CEP68: variants seen among roughly 807,000 people sequenced by gnomAD.
The protein encoded by CEP68 is centrosomal protein 68.
Under a neutral mutation model 55.3 loss-of-function variants are expected in CEP68, and 26 were observed. That is an observed-to-expected ratio of 0.47 (90% CI 0.34 to 0.65). The LOEUF (loss-of-function observed/expected upper bound fraction) is 0.65. CEP68 is among the 30% of genes least tolerant of loss of function. CEP68 has a pLI of 0.01. For missense variants in CEP68, 957 were observed against 946.7 expected (o/e 1.01, Z -0.14); for synonymous variants, 402 against 383.2 (o/e 1.05, Z -0.57).
At chr2:65,071,238 G>A in intron 2 of CEP68, 1 of 580,876 alleles carries the variant, frequency 1.7e-6, no homozygotes, top group Non-Finnish European at 3.1e-6. Flanking sequence ...GAGAGGACTG[G>A]AGATGGGAGT....
rs1676517185 is a variant in CEP68 at position 65,072,299 on chromosome 2, C to T, written c.1203C>T (p.Pro401=). Residue 401 remains proline, a synonymous_variant, in exon 3 of 7, where the codon CCC becomes CCT. Transcript: ENST00000377990. ...CTTGGAGCCAACTTGCATCTACCCCCAGAGCCCCAGGCAGTAGGGATGCTC... is the reference window on the plus strand; with the variant it reads ...CTTGGAGCCAACTTGCATCTACCCCTAGAGCCCCAGGCAGTAGGGATGCTC... ...LASWSQLAST[P]RAPGSRDARW... is the part of the protein sequence containing the mutation. 1 of 1,614,068 alleles carries T rather than the reference C, an allele frequency of 6.2e-7. No homozygotes were observed. Among genetic ancestry groups the T allele is most frequent in the Non-Finnish European group, 8.5e-7 (1 of 1,180,020 alleles).
Position 65,069,761 on chromosome 2 carries a change from C to T in CEP68, c.317C>T (p.Thr106Ile). 1 of 1,614,088 alleles carries T rather than the reference C, an allele frequency of 6.2e-7. No homozygotes were observed. Among genetic ancestry groups the T allele is most frequent in the South Asian group, 1.1e-5 (1 of 91,088 alleles). The change falls in exon 2 of 7, where the codon ACC becomes ATC. Residue 106 changes from threonine (T) to isoleucine (I), a missense_variant. By Grantham distance (89) the Thr-to-Ile change is moderately conservative. Coordinates refer to ENST00000377990, the MANE Select transcript of CEP68 (RefSeq NM_015147.3). ...EPALSGLPPA[T>I]MGSGDLLLSG... ...GCACTCAGTGGCCTGCCTCCTGCCA[C>T]CATGGGGTCTGGAGACCTTCTGCTC...
Position 65,072,732 on chromosome 2 carries a change from C to G in CEP68, c.1636C>G (p.Gln546Glu), listed in dbSNP as rs756333859. ...QSQLPPGAAL[Q>E]GSGDPEGQNP... ...CCAGCTTCCCCCTGGAGCTGCCCTC[C>G]AAGGATCTGGGGATCCTGAGGGCCA... The change falls in exon 3 of 7, where the codon CAA becomes GAA. Residue 546 changes from glutamine to glutamate, a missense_variant. Coordinates refer to ENST00000377990, the MANE Select transcript of CEP68 (RefSeq NM_015147.3). 1.9e-6 allele frequency: 3 copies of G among 1,614,132 alleles called. No individual in the cohort carries two copies. The South Asian group carries it at 3.3e-5, about 18-fold the overall frequency.
In CEP68 at chr2:65,084,539, A is replaced by AAC; in HGVS notation, c.*905_*906insAC. 6.6e-6 allele frequency: 1 copy of AAC among 150,434 alleles called. No individual in the cohort carries two copies. The highest frequency in any genetic ancestry group is 2.4e-5 in the African/African-American group (1 of 41,130). The allele number at this position is 150,434 out of a possible 1,614,324, so 9.3% of individuals were successfully genotyped here. A position where few individuals can be genotyped will look rare whatever the true frequency, so the allele number is the denominator to read the frequency against. ...ACTTTGATTAAAAAAAAAAAAAACT[A>AAC]TGGATCAACCATTCAAAGCATCAAT... On this transcript the variant is annotated 3_prime_UTR_variant, in exon 7 of 7. Coordinates refer to ENST00000377990, the MANE Select transcript of CEP68 (RefSeq NM_015147.3).
chr2:65,076,595 A>C (rs576137168), intron 4 of CEP68, among the ~76,000 whole-genome samples: 2 of 151,980 alleles, frequency 1.3e-5, no homozygotes, highest in Non-Finnish European at 2.9e-5. Flanking sequence ...CTGTGTTCAC[A>C]TATTTTAACT....
chr2:65,082,222 T>C (rs1668860592), intron 5 of CEP68, among the ~76,000 whole-genome samples: 1 of 152,228 alleles, frequency 6.6e-6, no homozygotes, highest in Non-Finnish European at 1.5e-5. Context: ...ATACCTGTCT[T>C]ACCTCTAAAG....
chr2:65,062,698 A>G (rs901029658), intron 1 of CEP68, among the ~76,000 whole-genome samples: 5 of 151,930 alleles, frequency 3.3e-5, no homozygotes, highest in South Asian at 4.1e-4. Flanking sequence ...TGAACCACGC[A>G]TGGTGGTGCA....
At chr2:65,060,676 T>A (rs1675869019) in intron 1 of CEP68, among the ~76,000 whole-genome samples, 1 of 152,212 alleles carries the variant, frequency 6.6e-6, no homozygotes, top group African/African-American at 2.4e-5. Context: ...TGACTTTTGT[T>A]ATAAGGAAGG....
rs772714459 is a variant in CEP68 at position 65,071,560 on chromosome 2, C to T, written c.464C>T (p.Pro155Leu). 2 of 1,614,178 alleles carry T rather than the reference C, an allele frequency of 1.2e-6. No homozygotes were observed. The highest frequency in any genetic ancestry group is 1.7e-6 in the Non-Finnish European group (2 of 1,180,016). ...SGHDADTEDD[P>L]SLADLPQALD... ...CATGATGCTGATACCGAAGATGATC[C>T]ATCCCTAGCAGATTTGCCCCAGGCA... is the stretch of plus-strand genomic sequence containing the variant. Residue 155 changes from proline to leucine, a missense_variant, in exon 3 of 7, where the codon CCA becomes CTA. By Grantham distance (98) the Pro-to-Leu change is moderately conservative. Transcript: ENST00000377990.
intron 1 of CEP68, among the ~76,000 whole-genome samples, chr2:65,057,260 G>A (rs1311952348): frequency 6.6e-6 from 1 of 152,246 alleles, no homozygotes; most frequent in Non-Finnish European, 1.5e-5. Flanking sequence ...ACCACGAAGG[G>A]AGGTAGCGTT....
intron 4 of CEP68, among the ~76,000 whole-genome samples, chr2:65,075,924 A>T (rs918851221): frequency 1.3e-5 from 2 of 151,996 alleles, no homozygotes; most frequent in African/African-American, 4.8e-5. Flanking sequence ...AGAGGAAGGG[A>T]GGGGCTTTGT....
intron 3 of CEP68, 117 bp from the exon 4 acceptor site, chr2:65,074,165 A>G: frequency 8.1e-7 from 1 of 1,231,350 alleles, no homozygotes; most frequent in Non-Finnish European, 1.1e-6. Flanking sequence ...CAAGGAGGAG[A>G]GAGGAAACTG....
At chr2:65,060,753 T>C (rs921878996) in intron 1 of CEP68, among the ~76,000 whole-genome samples, 1 of 152,164 alleles carries the variant, frequency 6.6e-6, no homozygotes, top group Non-Finnish European at 1.5e-5. Flanking sequence ...GCCCTCAGCA[T>C]CCTTGTACAT....
chr2:65,078,344 C>G (rs1676857739), intron 5 of CEP68, among the ~76,000 whole-genome samples: 1 of 152,158 alleles, frequency 6.6e-6, no homozygotes, highest in South Asian at 2.1e-4. Context: ...CCCCACCTTA[C>G]CTAGCCCAGG....
At position 65,082,522 on chromosome 2, in the gene CEP68, A is replaced by G. The variant is rs764557987; in HGVS notation, c.2105-14A>G. 5.9e-6 allele frequency: 9 copies of G among 1,516,576 alleles called. No homozygotes were observed. In the East Asian group the frequency reaches 2.2e-4, roughly 37 times the overall value. The allele number at this position is 1,516,576 out of a possible 1,614,324, so 93.9% of individuals were successfully genotyped here. The stretch of plus-strand genomic sequence containing the variant: ...TTTTATTTCTGGTTTAATTTCTTTG[A>G]ACCTCATTGTTAGTTTTAGAGGATG... On this transcript the variant is annotated splice_polypyrimidine_tract_variant and intron_variant, in intron 5 of 6. Coordinates refer to ENST00000377990, the MANE Select transcript of CEP68 (RefSeq NM_015147.3).
At position 65,086,156 on chromosome 2, in the gene CEP68, A is replaced by AGG; in HGVS notation, c.*2523_*2524dup. On this transcript the variant is annotated 3_prime_UTR_variant, in exon 7 of 7. Coordinates refer to ENST00000377990, the MANE Select transcript of CEP68 (RefSeq NM_015147.3). Reference sequence around the variant, plus strand: ...AAGATATGCTGGAAAGGCAAGATGTAGGCTAAGGGAAATTCAATCCAAGGT... The same window carrying AGG: ...AAGATATGCTGGAAAGGCAAGATGTAGGGGCTAAGGGAAATTCAATCCAAGGT... The AGG allele has an allele frequency of 6.6e-6, 1 of 152,338 alleles. No individual in the cohort carries two copies. The highest frequency in any genetic ancestry group is 1.5e-5 in the Non-Finnish European group (1 of 68,028). 9.4% of individuals were successfully genotyped at this position (152,338 alleles called of 1,614,324 possible).
At chr2:65,062,300 G>A (rs915036697) in intron 1 of CEP68, among the ~76,000 whole-genome samples, 10 of 152,210 alleles carry the variant, frequency 6.6e-5, no homozygotes, top group Non-Finnish European at 2.9e-5. Flanking sequence ...TTGGGAGGCC[G>A]AGGCAGGCAG....
intron 1 of CEP68, among the ~76,000 whole-genome samples, chr2:65,066,186 C>A (rs1676154939): frequency 6.6e-6 from 1 of 152,108 alleles, no homozygotes; most frequent in African/African-American, 2.4e-5. Context: ...TGGGAGGAAA[C>A]CCGAGTATCC....
chr2:65,085,077 GATGTAC>G lies in CEP68; in HGVS notation c.*1446_*1451del, dbSNP rs1198310646. ...AATTGATATATTTTACCTTCTCTTAGATGTACATTTATAAGTAGGAACATGTCCTTC... is the reference window on the plus strand; with the variant it reads ...AATTGATATATTTTACCTTCTCTTAGATTTATAAGTAGGAACATGTCCTTC... On this transcript the variant is annotated 3_prime_UTR_variant, in exon 7 of 7. Transcript: ENST00000377990. 1 of 152,098 alleles carries G rather than the reference GATGTAC, an allele frequency of 6.6e-6. No homozygotes were observed. The highest frequency in any genetic ancestry group is 1.5e-5 in the Non-Finnish European group (1 of 68,020). 9.4% of individuals were successfully genotyped at this position (152,098 alleles called of 1,614,324 possible). A position where few individuals can be genotyped will look rare whatever the true frequency, so the allele number is the denominator to read the frequency against.
Sources: allele counts gnomAD v4.1 joint callset (sites outside exome capture counted in the v4.1 genomes callset), GRCh38; gene constraint gnomAD v4.1.1; transcripts MANE v1.5; gene names NCBI Gene and HGNC (gene_info 2026-07-23, HGNC 2026-07-21).